The following NUCB2 variants were observed in gnomAD, a reference collection of about 807,000 sequenced individuals.
The protein encoded by NUCB2 is nucleobindin-2.
A neutral mutation model predicts 57.9 loss-of-function variants in NUCB2; 48 were observed. The ratio of observed to expected loss-of-function variants is 0.83; its 90% CI spans 0.66 to 1.05. The LOEUF is 1.05. NUCB2 is among the 50% of genes least tolerant of loss of function. The pLI, the probability that NUCB2 is intolerant of heterozygous loss-of-function variation, is 0.00. For missense variants in NUCB2, 442 were observed against 476.2 expected (o/e 0.93, Z 0.67); for synonymous variants, 139 against 152.1 (o/e 0.91, Z 0.64).
At chr11:17,343,102 T>C (rs544057831) in intron 2 of NUCB2, among the ~76,000 whole-genome samples, 1 of 152,100 alleles carries the variant, frequency 6.6e-6, no homozygotes, top group South Asian at 2.1e-4. Context: ...TTTGTTGGTT[T>C]AAAGTCTGTT....
chr11:17,297,421 G>C (rs893676738), intron 4 of NUCB2, among the ~76,000 whole-genome samples: 16 of 152,104 alleles, frequency 1.1e-4, no homozygotes, highest in African/African-American at 3.6e-4. Flanking sequence ...CTCTCCTCTT[G>C]GAAGTTGTGA....
At chr11:17,312,230 G>C in intron 10 of NUCB2, 110 bp downstream of exon 10, 1 of 636,472 alleles carries the variant, frequency 1.6e-6, no homozygotes, top group South Asian at 2.4e-5. Context: ...TGGAGTTTGC[G>C]TTTTTGTTTT....
downstream of NUCB2, chr11:17,332,514 C>T (rs1392768195): frequency 6.8e-6 from 1 of 147,866 alleles, no homozygotes; most frequent in Non-Finnish European, 1.5e-5. Flanking sequence ...AGAGAAAACA[C>T]TCACCCCTCT....
chr11:17,343,114 T>C (rs1376060835), intron 2 of NUCB2, among the ~76,000 whole-genome samples: 1 of 152,004 alleles, frequency 6.6e-6, no homozygotes, highest in African/African-American at 2.4e-5. Context: ...AAGTCTGTTT[T>C]ATCAGAGACT....
downstream of NUCB2, among the ~76,000 whole-genome samples, chr11:17,335,924 G>T (rs34563660): frequency 6.6e-6 from 1 of 152,186 alleles, no homozygotes; most frequent in East Asian, 1.9e-4. Context: ...AGCTGACTTA[G>T]TGAAATTTAT....
intron 10 of NUCB2, among the ~76,000 whole-genome samples, chr11:17,315,017 T>G (rs1949036756): frequency 6.6e-6 from 1 of 152,196 alleles, no homozygotes; most frequent in African/African-American, 2.4e-5. Context: ...CTGGAATGGT[T>G]CTTTTTCTTA....
intron 2 of NUCB2, among the ~76,000 whole-genome samples, chr11:17,288,193 T>C (rs1944118976): frequency 6.6e-6 from 1 of 152,182 alleles, no homozygotes; most frequent in African/African-American, 2.4e-5. Flanking sequence ...TGCATAAAAA[T>C]GATGTGAGAA....
intron 2 of NUCB2, among the ~76,000 whole-genome samples, chr11:17,286,366 G>A (rs1344269078): frequency 1.3e-5 from 2 of 152,158 alleles, no homozygotes; most frequent in African/African-American, 4.8e-5. Flanking sequence ...GTTGAGACAG[G>A]GGAAGAGAGA....
At chr11:17,315,365 T>C (rs769101000) in intron 10 of NUCB2, 21 bp from the exon 11 acceptor site, 2 of 1,350,746 alleles carry the variant, frequency 1.5e-6, no homozygotes, top group Admixed American at 3.6e-5. Context: ...TTATATTATG[T>C]ATACATTTTG....
chr11:17,325,887 C>A (rs1322445145), intron 11 of NUCB2, among the ~76,000 whole-genome samples: 3 of 152,014 alleles, frequency 2.0e-5, no homozygotes. Flanking sequence ...TATTTTATAA[C>A]CCATTATTTT....
intron 11 of NUCB2, among the ~76,000 whole-genome samples, chr11:17,318,717 G>T (rs1004795173): frequency 1.4e-4 from 22 of 152,128 alleles, no homozygotes; most frequent in African/African-American, 5.3e-4. Flanking sequence ...CAATTTGAAC[G>T]TGGAAATAAT....
chr11:17,343,790 ATTCT>A (rs1206639939), intron 2 of NUCB2, among the ~76,000 whole-genome samples: 3 of 152,080 alleles, frequency 2.0e-5, no homozygotes, highest in African/African-American at 4.8e-5. Flanking sequence ...TTGTGTAGTG[ATTCT>A]TTCTTGTTCT....
chr11:17,331,171 A>G, intron 13 of NUCB2, 188 bp downstream of exon 13: 1 of 575,926 alleles, frequency 1.7e-6, no homozygotes, highest in East Asian at 3.0e-5. Flanking sequence ...TGTAGCAGCA[A>G]ATTTTAAGTG....
chr11:17,323,566 A>G (rs1208122618), intron 11 of NUCB2, among the ~76,000 whole-genome samples: 1 of 152,200 alleles, frequency 6.6e-6, no homozygotes, highest in Non-Finnish European at 1.5e-5. Context: ...TTTTGGTATC[A>G]GGGTAGTACG....
chr11:17,321,800 G>C (rs929962436), intron 11 of NUCB2, among the ~76,000 whole-genome samples: 1 of 151,954 alleles, frequency 6.6e-6, no homozygotes, highest in Non-Finnish European at 1.5e-5. Flanking sequence ...ATTTTAACTG[G>C]GGTGAGATGG....
intron 5 of NUCB2, among the ~76,000 whole-genome samples, chr11:17,308,046 G>A (rs191937749): frequency 4.6e-5 from 7 of 151,962 alleles, no homozygotes; most frequent in African/African-American, 1.7e-4. Context: ...TTTTTTTAGG[G>A]CTAAGTCTTA....
intron 2 of NUCB2, among the ~76,000 whole-genome samples, chr11:17,340,536 A>C (rs1381716698): frequency 6.6e-6 from 1 of 152,068 alleles, no homozygotes; most frequent in East Asian, 1.9e-4. Flanking sequence ...ATAAGGTGTA[A>C]GGAAGGGATC....
intron 6 of NUCB2, among the ~76,000 whole-genome samples, chr11:17,310,480 T>TA (rs1225375026): frequency 6.6e-6 from 1 of 152,028 alleles, no homozygotes; most frequent in Non-Finnish European, 1.5e-5. Context: ...GTACTTAAAA[T>TA]ACAAATATTA....
rs1414756249 is a variant in NUCB2 at position 17,312,028 on chromosome 11, T to A, written c.820T>A (p.Leu274Met). The change falls in exon 10 of 14, where the codon TTG becomes ATG. Residue 274 changes from leucine (L) to methionine (M), a missense_variant and splice_region_variant. Leu to Met is a conservative substitution (Grantham distance 15, BLOSUM62 2). Coordinates refer to ENST00000529010, the MANE Select transcript of NUCB2 (RefSeq NM_005013.4). Reference protein sequence around the residue: ...QELEALFTKELEKVYDPKNEE... With the variant: ...QELEALFTKEMEKVYDPKNEE... Reference sequence around the variant, plus strand: ...GTTCATTTAAAATTTTTCTTTTTAGTTGGAGAAAGTATATGACCCTAAAAA... The same window carrying A: ...GTTCATTTAAAATTTTTCTTTTTAGATGGAGAAAGTATATGACCCTAAAAA... 6.4e-7 allele frequency: 1 copy of A among 1,573,044 alleles called. No homozygotes were observed. The highest frequency in any genetic ancestry group is 2.0e-5 in the Admixed American group (1 of 50,708).
Sources: allele counts gnomAD v4.1 joint callset (sites outside exome capture counted in the v4.1 genomes callset), GRCh38; gene constraint gnomAD v4.1.1; transcripts MANE v1.5; gene names NCBI Gene and HGNC (gene_info 2026-07-23, HGNC 2026-07-21).